The following DCAF5 variants were observed in gnomAD, a reference collection of about 807,000 sequenced individuals.
DCAF5 encodes DDB1 and CUL4 associated factor 5.
In DCAF5, 9 loss-of-function variants were observed where a neutral mutation model predicts 80.7. The ratio of observed to expected loss-of-function variants is 0.11; its 90% CI spans 0.07 to 0.19. The LOEUF (loss-of-function observed/expected upper bound fraction) is 0.19. Among genes scored for constraint, DCAF5 ranks in the 10% least tolerant of loss-of-function variants. The pLI is 1.00. For missense variants in DCAF5, 842 were observed against 1,205.7 expected, an observed-to-expected ratio of 0.70 and a Z score of 4.47; for synonymous variants, 433 against 461.9, an observed-to-expected ratio of 0.94 and a Z score of 0.80.
intron 1 of DCAF5, among the ~76,000 whole-genome samples, chr14:69,140,274 A>AAG (rs577036729): frequency 2.6e-4 from 40 of 151,688 alleles, no homozygotes; most frequent in Non-Finnish European, 3.8e-4. Context: ...CTAAAAAAAA[A>AAG]AGAGAGAGAG....
Position 69,054,582 on chromosome 14 carries a change from G to T in DCAF5, c.2104C>A (p.Pro702Thr). 4 of 1,614,166 alleles carry T rather than the reference G, an allele frequency of 2.5e-6. No homozygotes were observed. The highest frequency in any genetic ancestry group is 3.4e-6 in the Non-Finnish European group (4 of 1,180,032). Residue 702 changes from proline (P) to threonine (T), a missense_variant, in exon 9 of 9, where the codon CCA becomes ACA. Around this residue, in one of 5 missense-constraint regions of DCAF5, gnomAD observed 607 missense variants for 656.6 expected, o/e 0.92. Coordinates refer to ENST00000341516, the MANE Select transcript of DCAF5 (RefSeq NM_003861.3). ...GCTTCCTTACTGGAAGAAGGGGCTG[G>T]GTTGTCTTTGTGGCTGGTTCCTGCT... ...GRAGTSHKDN[P>T]APSSSKEACL...
chr14:69,135,120 A>C (rs988807207), intron 1 of DCAF5, among the ~76,000 whole-genome samples: 1 of 152,226 alleles, frequency 6.6e-6, no homozygotes, highest in Admixed American at 6.5e-5. Flanking sequence ...AGTGTGTCCC[A>C]TGGACCCCAG....
rs1245152795 is a variant in DCAF5, at chr14:69,052,553, C to T, written c.*1304G>A. 2.0e-5 allele frequency: 3 copies of T among 152,592 alleles called. No homozygotes were observed. The highest frequency in any genetic ancestry group is 4.4e-5 in the Non-Finnish European group (3 of 68,050). 9.5% of individuals were successfully genotyped at this position (152,592 alleles called of 1,614,324 possible). A position where few individuals can be genotyped will look rare whatever the true frequency, so the allele number is the denominator to read the frequency against. ...TTTTGCACAACCCTTCATAGATAAC[C>T]GAGTGACTGCAACGCTGAAAATCTG... On this transcript the variant is annotated 3_prime_UTR_variant, in exon 9 of 9. Transcript: ENST00000341516.
At chr14:69,136,142 G>T (rs1426687313) in intron 1 of DCAF5, among the ~76,000 whole-genome samples, 1 of 145,768 alleles carries the variant, frequency 6.9e-6, no homozygotes, top group Non-Finnish European at 1.5e-5. Context: ...TGGATACAGG[G>T]TCCTACTCTG....
intron 7 of DCAF5, among the ~76,000 whole-genome samples, chr14:69,064,296 T>C (rs1378564200): frequency 2.6e-5 from 4 of 152,244 alleles, no homozygotes; most frequent in Non-Finnish European, 4.4e-5. Context: ...TTTCTGCTCA[T>C]GGGTGTCCTC....
intron 1 of DCAF5, among the ~76,000 whole-genome samples, chr14:69,124,895 C>T (rs1295259711): frequency 6.6e-6 from 1 of 152,042 alleles, no homozygotes; most frequent in Non-Finnish European, 1.5e-5. Flanking sequence ...TTTCTCTATA[C>T]TTATGTCTCT....
rs1051982142 is a variant in DCAF5 at position 69,053,601 on chromosome 14, C to T, written c.*256G>A. 11 of 461,644 alleles carry T rather than the reference C, an allele frequency of 2.4e-5. No individual in the cohort carries two copies. Among genetic ancestry groups the T allele is most frequent in the African/African-American group, 1.2e-4 (6 of 48,864 alleles). 28.6% of individuals were successfully genotyped at this position (461,644 alleles called of 1,614,324 possible). ...ACAGAGCCTTGCGCGGCACACTACGCTCACGTCTCACTAGAAAGGAGTCAC... is the reference window on the plus strand; with the variant it reads ...ACAGAGCCTTGCGCGGCACACTACGTTCACGTCTCACTAGAAAGGAGTCAC... On this transcript the variant is annotated 3_prime_UTR_variant, in exon 9 of 9. Transcript: ENST00000341516.
intron 5 of DCAF5, among the ~76,000 whole-genome samples, chr14:69,109,758 C>A (rs1015061647): frequency 6.6e-6 from 1 of 152,118 alleles, no homozygotes; most frequent in African/African-American, 2.4e-5. Context: ...TAGCTTGTGG[C>A]TATTATAAAT....
chr14:69,067,971 T>C (rs1253461776), intron 7 of DCAF5, among the ~76,000 whole-genome samples: 1 of 152,160 alleles, frequency 6.6e-6, no homozygotes, highest in Non-Finnish European at 1.5e-5. Context: ...TATAATGTAG[T>C]TAAGCAGGAG....
chr14:69,072,696 A>AT (rs2038746075), intron 7 of DCAF5, among the ~76,000 whole-genome samples: 1 of 151,910 alleles, frequency 6.6e-6, no homozygotes, highest in African/African-American at 2.4e-5. Context: ...TAGTGGCAGA[A>AT]GGGTTGAATC....
intron 1 of DCAF5, among the ~76,000 whole-genome samples, chr14:69,132,980 A>G (rs2041085420): frequency 6.6e-6 from 1 of 152,254 alleles, no homozygotes; most frequent in African/African-American, 2.4e-5. Context: ...AGATCTGTGT[A>G]AAAGACTTGG....
At chr14:69,057,156 T>C (rs1180894756) in intron 8 of DCAF5, among the ~76,000 whole-genome samples, 1 of 152,192 alleles carries the variant, frequency 6.6e-6, no homozygotes, top group Admixed American at 6.5e-5. Context: ...GATCAACTTT[T>C]GAGAAACACT....
rs561288562 is a variant in DCAF5 at position 69,152,515 on chromosome 14, T to C, written c.214+250A>G. 1 of 513,212 alleles carries C rather than the reference T, an allele frequency of 1.9e-6. No homozygotes were observed. The highest frequency in any genetic ancestry group is 2.3e-5 in the South Asian group (1 of 43,966). The allele number at this position is 513,212 out of a possible 1,614,324, so 31.8% of individuals were successfully genotyped here. A position where few individuals can be genotyped will look rare whatever the true frequency, so the allele number is the denominator to read the frequency against. The stretch of plus-strand genomic sequence containing the variant: ...CTTTCAGGGCAGGCATCAGGAGAGA[T>C]CACTTTGCACTTGGGATAAAGCGAA... On this transcript the variant is annotated intron_variant, in intron 1 of 8. Coordinates refer to ENST00000341516, the MANE Select transcript of DCAF5 (RefSeq NM_003861.3). The surrounding 1 kb of genome is among the most constrained non-coding windows in gnomAD (Gnocchi z 4.1).
chr14:69,141,139 TA>T (rs11396838), intron 1 of DCAF5, among the ~76,000 whole-genome samples: 2,085 of 59,368 alleles, frequency 0.035, 40 homozygotes, highest in African/African-American at 0.084. Context: ...ATCTCAAATT[TA>T]AAAAAAAAAA....
At chr14:69,144,914 T>C (rs2041493161) in intron 1 of DCAF5, among the ~76,000 whole-genome samples, 1 of 152,162 alleles carries the variant, frequency 6.6e-6, no homozygotes, top group Non-Finnish European at 1.5e-5. Flanking sequence ...CTCAGCTCCC[T>C]TTCCTGTAAA....
intron 5 of DCAF5, 40 bp downstream of exon 5, chr14:69,116,326 C>A: frequency 6.3e-7 from 1 of 1,588,212 alleles, no homozygotes; most frequent in Non-Finnish European, 8.6e-7. Flanking sequence ...AGAAATGAGG[C>A]AGAGGAAAGT....
In DCAF5 at chr14:69,075,332, A is replaced by T; in HGVS notation, c.946+13T>A. The T allele has an allele frequency of 6.2e-7, 1 of 1,601,942 alleles. No homozygotes were observed. The highest frequency in any genetic ancestry group is 8.5e-7 in the Non-Finnish European group (1 of 1,171,738). ...CAGCAATAGCAGTACATTCATGTGA[A>T]GGATATACTTGCCTGCTTCTGGATC... On this transcript the variant is annotated intron_variant, in intron 7 of 8. Transcript: ENST00000341516.
intron 7 of DCAF5, among the ~76,000 whole-genome samples, 195 bp downstream of exon 7, chr14:69,075,150 T>A (rs936507587): frequency 6.6e-6 from 1 of 152,182 alleles, no homozygotes; most frequent in Non-Finnish European, 1.5e-5. Flanking sequence ...TAAGCATCAT[T>A]TATGTCAGAT....
chr14:69,089,077 A>C (rs954117450), intron 6 of DCAF5: 1 of 152,658 alleles, frequency 6.6e-6, no homozygotes, highest in Non-Finnish European at 1.5e-5. Flanking sequence ...GAATTATTTA[A>C]TTCATCCATC....
Sources: gnomAD v4.1 joint callset for allele counts (sites outside exome capture counted in the v4.1 genomes callset) on GRCh38, gnomAD v4.1.1 for gene constraint, gnomAD v4.1.1 regional missense constraint, Gnocchi (gnomAD v3.1) non-coding constraint, MANE v1.5 for transcripts, NCBI Gene and HGNC (gene_info 2026-07-23, HGNC 2026-07-21) for gene names.